SLC30A8: variants seen among roughly 807,000 people sequenced by gnomAD.
The protein encoded by SLC30A8 is solute carrier family 30 member 8.
Under a neutral mutation model 36.9 loss-of-function variants are expected in SLC30A8, and 27 were observed. The observed-to-expected ratio is 0.73, with a 90% CI of 0.54 to 1.01. SLC30A8 has a LOEUF of 1.01. SLC30A8 is among the 50% of genes least tolerant of loss of function. SLC30A8 has a pLI of 0.00. For synonymous variants in SLC30A8, 164 were observed against 172.4 expected (o/e 0.95, Z 0.38); for missense variants, 439 against 452.0 (o/e 0.97, Z 0.26).
upstream of SLC30A8, among the ~76,000 whole-genome samples, chr8:117,134,002 GTACAGC>G (rs1204084734): frequency 6.6e-6 from 1 of 151,878 alleles, no homozygotes; most frequent in Non-Finnish European, 1.5e-5. Context: ...ATAATAAGAG[GTACAGC>G]TACACCACAG....
chr8:117,001,653 T>C (rs543234150), intron 1 of SLC30A8, among the ~76,000 whole-genome samples: 1 of 152,282 alleles, frequency 6.6e-6, no homozygotes, highest in African/African-American at 2.4e-5. Flanking sequence ...TGGGCTAAGA[T>C]TGTATTTCTG....
intron 2 of SLC30A8, among the ~76,000 whole-genome samples, chr8:117,152,001 A>G (rs572561177): frequency 7.7e-4 from 117 of 152,334 alleles, no homozygotes; most frequent in African/African-American, 2.7e-3. Context: ...TATTGCAATT[A>G]TGAGCCATCT....
chr8:116,950,719 CTT>C (rs945931015), upstream of SLC30A8, among the ~76,000 whole-genome samples: 1 of 152,150 alleles, frequency 6.6e-6, no homozygotes, highest in Non-Finnish European at 1.5e-5. Context: ...CAGTCTGGGA[CTT>C]TTCATGCTAA....
At chr8:117,160,403 TTGTGTGTGTG>T (rs71569723) in intron 4 of SLC30A8, among the ~76,000 whole-genome samples, 4,908 of 145,900 alleles carry the variant, frequency 0.034, 118 homozygotes, top group Non-Finnish European at 0.053. Context: ...AATTTTCCAC[TTGTGTGTGTG>T]TGTGTGTGTG....
At chr8:117,145,843 G>A (rs994797097) in intron 1 of SLC30A8, among the ~76,000 whole-genome samples, 19 of 152,124 alleles carry the variant, frequency 1.2e-4, no homozygotes, top group African/African-American at 4.3e-4. Flanking sequence ...TGGGGTTGCA[G>A]TTAAGTGAAA....
At chr8:117,067,608 A>G (rs568485121) in intron 2 of SLC30A8, among the ~76,000 whole-genome samples, 76 of 152,320 alleles carry the variant, frequency 5.0e-4, no homozygotes, top group Non-Finnish European at 8.1e-4. Context: ...TGGAGGACTC[A>G]CATTTATTTA....
At chr8:117,012,757 A>ACACG in intron 1 of SLC30A8, among the ~76,000 whole-genome samples, 1 of 150,608 alleles carries the variant, frequency 6.6e-6, no homozygotes, top group African/African-American at 2.4e-5. Context: ...ACACACACAC[A>ACACG]CACGGTGGAT....
chr8:117,122,583 C>A (rs112576894), intron 2 of SLC30A8, among the ~76,000 whole-genome samples: 351 of 152,106 alleles, frequency 2.3e-3, no homozygotes, highest in African/African-American at 8.2e-3. Flanking sequence ...TACAAGCACT[C>A]TTCATCTGAG....
intron 2 of SLC30A8, among the ~76,000 whole-genome samples, chr8:117,054,540 A>G (rs897539069): frequency 6.6e-6 from 1 of 152,180 alleles, no homozygotes; most frequent in African/African-American, 2.4e-5. Context: ...AACATACAGA[A>G]GAATACTGAA....
chr8:117,107,628 A>T (rs971685669), intron 2 of SLC30A8, among the ~76,000 whole-genome samples: 1 of 152,164 alleles, frequency 6.6e-6, no homozygotes, highest in African/African-American at 2.4e-5. Context: ...GTGATTGACA[A>T]GATGATCCAA....
At chr8:117,135,780 G>A (rs566805662) in intron 1 of SLC30A8, among the ~76,000 whole-genome samples, 1 of 151,972 alleles carries the variant, frequency 6.6e-6, no homozygotes, top group South Asian at 2.1e-4. Context: ...TGGCAAAATT[G>A]TGGTTGTATT....
intron 1 of SLC30A8, among the ~76,000 whole-genome samples, chr8:116,973,357 G>T (rs1184673190): frequency 6.6e-6 from 1 of 152,094 alleles, no homozygotes. Context: ...GCAACTTCTA[G>T]GTCACTTTCT....
intron 2 of SLC30A8, among the ~76,000 whole-genome samples, chr8:117,043,039 G>T (rs979737943): frequency 2.6e-5 from 4 of 152,156 alleles, no homozygotes; most frequent in Admixed American, 6.5e-5. Flanking sequence ...TTTATGGAGG[G>T]TTTATGCTTA....
chr8:116,958,267 C>T (rs1289188242), intron 1 of SLC30A8, among the ~76,000 whole-genome samples: 3 of 151,966 alleles, frequency 2.0e-5, no homozygotes, highest in Non-Finnish European at 2.9e-5. Context: ...TTTTCTAGTG[C>T]TCTGCATTGT....
At chr8:117,034,612 T>G (rs1336953674) in intron 1 of SLC30A8, among the ~76,000 whole-genome samples, 4 of 152,184 alleles carry the variant, frequency 2.6e-5, no homozygotes, top group African/African-American at 9.6e-5. Context: ...ACCCAGGTGT[T>G]CTAACTTCAG....
rs77220128 is a variant in SLC30A8, at chr8:117,037,027, A to T, written c.-265-2192A>T. Among the ~76,000 whole-genome samples, 10 of 149,570 alleles carry T rather than the reference A, an allele frequency of 6.7e-5. No homozygotes were observed. In the East Asian group the frequency reaches 1.6e-3, roughly 24 times the overall value. ...AGAGCTTTCTAGCACATCAATTTTT[A>T]AATTTTTTTTCATGTTAGGAAGACA... On this transcript the variant is annotated intron_variant, in intron 1 of 10. Coordinates refer to the SLC30A8 transcript ENST00000427715.
intron 2 of SLC30A8, among the ~76,000 whole-genome samples, chr8:117,057,632 G>A (rs192555067): frequency 1.4e-3 from 213 of 152,026 alleles, no homozygotes; most frequent in African/African-American, 5.0e-3. Flanking sequence ...TTATCTTTCT[G>A]TATCTGGCTT....
chr8:117,167,203 C>A (rs1231644820), intron 6 of SLC30A8, among the ~76,000 whole-genome samples: 2 of 152,010 alleles, frequency 1.3e-5, no homozygotes, highest in African/African-American at 4.8e-5. Context: ...GATTATCTTT[C>A]TTATTTTACT....
chr8:117,145,113 G>T lies in SLC30A8; in HGVS notation c.72-1841G>T, dbSNP rs533070244. Among the ~76,000 whole-genome samples, 36 of 152,242 alleles carry T rather than the reference G, an allele frequency of 2.4e-4. 1 individual carries two copies. The South Asian group carries it at 7.5e-3, about 32-fold the overall frequency. ...TGAGAGCCACAGAGAAATGAATCTG[G>T]AGACCTCGTCAAAAAGTATCTGAAA... On this transcript the variant is annotated intron_variant, in intron 1 of 7. Transcript: ENST00000456015.
Sources: allele counts gnomAD v4.1 joint callset (sites outside exome capture counted in the v4.1 genomes callset), GRCh38; gene constraint gnomAD v4.1.1; transcripts MANE v1.5; gene names NCBI Gene and HGNC (gene_info 2026-07-23, HGNC 2026-07-21).